CNTNAP2: variants seen among roughly 807,000 people sequenced by gnomAD.
CNTNAP2 encodes the protein contactin-associated protein-like 2.
In CNTNAP2, 98 loss-of-function variants were observed where a neutral mutation model predicts 155.2. The observed-to-expected ratio is 0.63, with a 90% CI of 0.54 to 0.75. CNTNAP2 has a LOEUF of 0.75. Ranked by LOEUF, CNTNAP2 falls within the 30% of genes least tolerant of loss-of-function variation. The pLI, the probability that CNTNAP2 is intolerant of heterozygous loss-of-function variation, is 0.00. For synonymous variants in CNTNAP2, 651 were observed against 631.2 expected, an observed-to-expected ratio of 1.03 and a Z score of -0.47; for missense variants, 1,727 against 1,688.1, an observed-to-expected ratio of 1.02 and a Z score of -0.40.
At chr7:147,849,516 A>G (rs1193132750) in intron 13 of CNTNAP2, among the ~76,000 whole-genome samples, 2 of 152,210 alleles carry the variant, frequency 1.3e-5, no homozygotes, top group South Asian at 2.1e-4. Flanking sequence ...CATTATGTAA[A>G]TACCTATGCA....
chr7:148,210,255 C>T (rs758487286), intron 18 of CNTNAP2, among the ~76,000 whole-genome samples: 1 of 152,310 alleles, frequency 6.6e-6, no homozygotes, highest in South Asian at 2.1e-4. Context: ...CTTGGCCTCC[C>T]CATGTCCCAC....
At chr7:146,382,229 T>C (rs1339181656) in intron 1 of CNTNAP2, among the ~76,000 whole-genome samples, 1 of 152,170 alleles carries the variant, frequency 6.6e-6, no homozygotes, top group East Asian at 1.9e-4. Context: ...CACCTAGACT[T>C]CCAGACGTTT....
chr7:147,138,076 A>G (rs1801523715), intron 8 of CNTNAP2, among the ~76,000 whole-genome samples: 1 of 151,956 alleles, frequency 6.6e-6, no homozygotes, highest in African/African-American at 2.4e-5. Context: ...ATAAGTGGCT[A>G]AAAAGTAATT....
At chr7:146,228,773 T>C (rs898886525) in intron 1 of CNTNAP2, among the ~76,000 whole-genome samples, 1 of 152,190 alleles carries the variant, frequency 6.6e-6, no homozygotes, top group Non-Finnish European at 1.5e-5. Context: ...ATGATTCTTG[T>C]AAATAGAGAC....
intron 10 of CNTNAP2, among the ~76,000 whole-genome samples, chr7:147,468,717 T>C (rs1484605559): frequency 6.6e-6 from 1 of 152,224 alleles, no homozygotes; most frequent in Non-Finnish European, 1.5e-5. Flanking sequence ...TCTGTTTCTG[T>C]GTACAAATAT....
At chr7:147,169,402 T>A (rs981084276) in intron 8 of CNTNAP2, among the ~76,000 whole-genome samples, 1 of 152,142 alleles carries the variant, frequency 6.6e-6, no homozygotes, top group Non-Finnish European at 1.5e-5. Flanking sequence ...TTGTACCCAA[T>A]AGGTAGTTTT....
At chr7:146,502,213 GTATATATATGAATATATATA>G (rs1563109561) in intron 1 of CNTNAP2, among the ~76,000 whole-genome samples, 2 of 99,420 alleles carry the variant, frequency 2.0e-5, no homozygotes, top group South Asian at 3.1e-4. Context: ...CATTGTGTGT[GTATATATATGAATATATATA>G]TATATATATA....
chr7:146,143,866 G>A (rs766335914), intron 1 of CNTNAP2, among the ~76,000 whole-genome samples: 2 of 151,862 alleles, frequency 1.3e-5, no homozygotes. Flanking sequence ...GGGTTCAAGC[G>A]ATTTTCCTGC....
intron 12 of CNTNAP2, among the ~76,000 whole-genome samples, chr7:147,590,002 T>C (rs1383737950): frequency 6.6e-6 from 1 of 152,132 alleles, no homozygotes; most frequent in Non-Finnish European, 1.5e-5. Flanking sequence ...TATGGTTTCT[T>C]TGGCAGCTAC....
intron 3 of CNTNAP2, among the ~76,000 whole-genome samples, chr7:146,932,416 A>G: frequency 6.6e-6 from 1 of 151,852 alleles, no homozygotes; most frequent in African/African-American, 2.4e-5. Flanking sequence ...TCAATAAATT[A>G]GGTATTGATG....
intron 1 of CNTNAP2, among the ~76,000 whole-genome samples, chr7:146,455,788 G>A (rs1166189280): frequency 6.6e-6 from 1 of 152,108 alleles, no homozygotes; most frequent in Non-Finnish European, 1.5e-5. Context: ...AACGCTGATT[G>A]TAAACTCAAT....
At chr7:146,861,962 A>G (rs4490750) in intron 3 of CNTNAP2, among the ~76,000 whole-genome samples, 151,283 of 152,266 alleles carry the variant, frequency 0.99, 75,153 homozygotes, top group East Asian at 1. Flanking sequence ...TGGCAATTGT[A>G]TAACCACTGT....
intron 1 of CNTNAP2, among the ~76,000 whole-genome samples, chr7:146,419,551 C>T (rs1012358435): frequency 1.3e-5 from 2 of 151,910 alleles, no homozygotes; most frequent in African/African-American, 2.4e-5. Context: ...ATAAAAGTGA[C>T]CAGAAATATC....
intron 13 of CNTNAP2, among the ~76,000 whole-genome samples, chr7:147,796,979 C>T (rs79239956): frequency 0.14 from 20,730 of 152,002 alleles, 1,506 homozygotes; most frequent in Middle Eastern, 0.23. Context: ...TGATCAAGAT[C>T]GTGGAGATAG....
chr7:146,550,876 T>G (rs1798111587), intron 1 of CNTNAP2, among the ~76,000 whole-genome samples: 1 of 152,014 alleles, frequency 6.6e-6, no homozygotes, highest in African/African-American at 2.4e-5. Context: ...GGATGCTTCA[T>G]GAATGAAGTG....
intron 10 of CNTNAP2, among the ~76,000 whole-genome samples, chr7:147,417,912 G>A (rs753409400): frequency 2.0e-5 from 3 of 152,114 alleles, no homozygotes; most frequent in Non-Finnish European, 4.4e-5. Context: ...AAAAGTTCAC[G>A]CAATTATTAT....
At chr7:147,692,856 T>C (rs572384351) in intron 13 of CNTNAP2, among the ~76,000 whole-genome samples, 1 of 152,176 alleles carries the variant, frequency 6.6e-6, no homozygotes, top group South Asian at 2.1e-4. Context: ...TAATGAAGTC[T>C]AGCTTGCCAT....
chr7:146,806,502 AAAAAG>A (rs1372144583), intron 2 of CNTNAP2, among the ~76,000 whole-genome samples: 2 of 152,020 alleles, frequency 1.3e-5, no homozygotes, highest in Admixed American at 6.6e-5. Context: ...ATCAAAAAAA[AAAAAG>A]AAAGAAAGAA....
intron 1 of CNTNAP2, among the ~76,000 whole-genome samples, chr7:146,567,153 A>G (rs1798369824): frequency 6.6e-6 from 1 of 152,240 alleles, no homozygotes; most frequent in Non-Finnish European, 1.5e-5. Context: ...TAAACAGTAT[A>G]GGAACAACAC....
Sources: allele counts gnomAD v4.1 joint callset (sites outside exome capture counted in the v4.1 genomes callset), GRCh38; gene constraint gnomAD v4.1.1; transcripts MANE v1.5; gene names NCBI Gene and HGNC (gene_info 2026-07-23, HGNC 2026-07-21).